EDIL3: variants seen among roughly 807,000 people sequenced by gnomAD.
EDIL3 encodes EGF like and discoidin domains 3, also known as EGF-like repeat and discoidin I-like domain-containing protein 3.
EDIL3 carries 37 observed loss-of-function variants against 67.4 expected under a neutral mutation model. The ratio of observed to expected loss-of-function variants is 0.55; its 90% CI spans 0.42 to 0.72. EDIL3 has a LOEUF of 0.72. EDIL3 is among the 30% of genes least tolerant of loss of function. EDIL3 has a pLI of 0.00. For synonymous variants in EDIL3, 195 were observed against 196.3 expected (o/e 0.99, Z 0.05); for missense variants, 527 against 586.3 (o/e 0.90, Z 1.04).
chr5:84,097,873 T>TA (rs1747292872), intron 6 of EDIL3, among the ~76,000 whole-genome samples: 1 of 152,076 alleles, frequency 6.6e-6, no homozygotes. Flanking sequence ...GAAATAGTTA[T>TA]ACTGGCTGAC....
chr5:84,162,735 A>G (rs1748636256), intron 4 of EDIL3, among the ~76,000 whole-genome samples: 1 of 152,008 alleles, frequency 6.6e-6, no homozygotes, highest in South Asian at 2.1e-4. Context: ...CATCTGGCCC[A>G]CAGGAAATCC....
intron 9 of EDIL3, among the ~76,000 whole-genome samples, chr5:84,021,272 T>C (rs1052156247): frequency 4.6e-5 from 7 of 151,928 alleles, no homozygotes; most frequent in Non-Finnish European, 1.0e-4. Flanking sequence ...TTGGGGCTTG[T>C]TATTTCTTGA....
chr5:84,344,556 G>T (rs2112181311), intron 1 of EDIL3, among the ~76,000 whole-genome samples: 1 of 152,024 alleles, frequency 6.6e-6, no homozygotes, highest in Admixed American at 6.6e-5. Flanking sequence ...TACAAACAAA[G>T]TATTTGTGAT....
chr5:84,010,279 C>T (rs546370723), intron 9 of EDIL3, among the ~76,000 whole-genome samples: 2 of 152,204 alleles, frequency 1.3e-5, no homozygotes, highest in South Asian at 2.1e-4. Flanking sequence ...AATTACCTCA[C>T]ATAAAATTTT....
At chr5:84,371,339 A>G (rs867879115) in intron 1 of EDIL3, among the ~76,000 whole-genome samples, 69 of 139,270 alleles carry the variant, frequency 5.0e-4, no homozygotes, top group South Asian at 1.3e-3. Context: ...ATATATATAT[A>G]TATGTGTGTG....
chr5:84,045,834 T>G (rs2112218772), intron 9 of EDIL3, among the ~76,000 whole-genome samples: 1 of 152,346 alleles, frequency 6.6e-6, no homozygotes, highest in East Asian at 1.9e-4. Flanking sequence ...AAATTTTATT[T>G]TGATATCAGC....
intron 2 of EDIL3, among the ~76,000 whole-genome samples, chr5:84,253,447 T>C (rs2112075473): frequency 6.6e-6 from 1 of 152,336 alleles, no homozygotes; most frequent in Non-Finnish European, 1.5e-5. Flanking sequence ...TACAGCTATT[T>C]CCTTAATGGG....
At chr5:84,061,655 G>C (rs1447455841) in intron 8 of EDIL3, among the ~76,000 whole-genome samples, 1 of 152,020 alleles carries the variant, frequency 6.6e-6, no homozygotes, top group Non-Finnish European at 1.5e-5. Context: ...GTAAGATGGT[G>C]ATAATAATAG....
intron 9 of EDIL3, among the ~76,000 whole-genome samples, chr5:84,000,274 T>C (rs1745309433): frequency 6.6e-6 from 1 of 152,118 alleles, no homozygotes; most frequent in South Asian, 2.1e-4. Context: ...GTAATTGTAG[T>C]GTATAAACTA....
chr5:84,288,482 A>C (rs1745853520), intron 1 of EDIL3, among the ~76,000 whole-genome samples: 5 of 152,260 alleles, frequency 3.3e-5, no homozygotes, highest in Admixed American at 2.0e-4. Flanking sequence ...AAAATTTAGC[A>C]GGGAGTATAA....
intron 1 of EDIL3, among the ~76,000 whole-genome samples, chr5:84,258,979 T>G (rs1745172976): frequency 1.4e-5 from 2 of 146,832 alleles, no homozygotes; most frequent in Admixed American, 1.4e-4. Context: ...TCTTTTTTTT[T>G]TTTTTTTTTT....
chr5:84,155,358 T>A (rs1464699171), intron 4 of EDIL3, among the ~76,000 whole-genome samples: 1 of 152,244 alleles, frequency 6.6e-6, no homozygotes, highest in Non-Finnish European at 1.5e-5. Context: ...TAATTTTTGC[T>A]ACTTTTGAGT....
intron 1 of EDIL3, among the ~76,000 whole-genome samples, chr5:84,372,591 C>G (rs1747876815): frequency 6.6e-6 from 1 of 152,150 alleles, no homozygotes. Flanking sequence ...TATCCCCCAG[C>G]TGTGTTTTAA....
chr5:84,124,135 T>C (rs1347825878), intron 5 of EDIL3, among the ~76,000 whole-genome samples: 4 of 151,882 alleles, frequency 2.6e-5, no homozygotes, highest in African/African-American at 9.7e-5. Context: ...ATAAAATACT[T>C]ATGCAGGTAT....
intron 3 of EDIL3, among the ~76,000 whole-genome samples, chr5:84,192,360 C>T (rs1743609245): frequency 6.6e-6 from 1 of 151,906 alleles, no homozygotes; most frequent in Admixed American, 6.6e-5. Flanking sequence ...GTGTTACCTC[C>T]CCTGTTCATG....
At chr5:84,078,061 T>A (rs1746894981) in intron 6 of EDIL3, among the ~76,000 whole-genome samples, 1 of 152,190 alleles carries the variant, frequency 6.6e-6, no homozygotes, top group South Asian at 2.1e-4. Flanking sequence ...GGTGAAGTAT[T>A]CTGATGCTGA....
intron 1 of EDIL3, among the ~76,000 whole-genome samples, chr5:84,292,641 T>A (rs1745946441): frequency 6.6e-6 from 1 of 152,158 alleles, no homozygotes; most frequent in African/African-American, 2.4e-5. Context: ...TTTGAATATA[T>A]CCTACCATTA....
intron 9 of EDIL3, among the ~76,000 whole-genome samples, chr5:83,974,754 C>G (rs1744851315): frequency 2.6e-5 from 4 of 151,874 alleles, no homozygotes; most frequent in Admixed American, 2.6e-4. Flanking sequence ...GTTTTATCTA[C>G]TCATATTTAT....
At chr5:84,323,411 A>T (rs1746687930) in intron 1 of EDIL3, among the ~76,000 whole-genome samples, 1 of 151,958 alleles carries the variant, frequency 6.6e-6, no homozygotes, top group South Asian at 2.1e-4. Flanking sequence ...GAGTAGCTAT[A>T]GAATATACAC....
Sources: allele counts gnomAD v4.1 joint callset (sites outside exome capture counted in the v4.1 genomes callset), GRCh38; gene constraint gnomAD v4.1.1; transcripts MANE v1.5; gene names NCBI Gene and HGNC (gene_info 2026-07-23, HGNC 2026-07-21).